SV2C: variants seen among roughly 807,000 people sequenced by gnomAD.
SV2C encodes synaptic vesicle glycoprotein 2C, also known as solute carrier family 22 member B3.
A neutral mutation model predicts 79.7 loss-of-function variants in SV2C; 49 were observed. The observed-to-expected ratio is 0.61, with a 90% CI of 0.49 to 0.78. SV2C has a LOEUF of 0.78. Ranked by LOEUF, SV2C falls within the 30% of genes least tolerant of loss-of-function variation. SV2C has a pLI of 0.00. For synonymous variants in SV2C, 334 were observed against 333.2 expected (o/e 1.00, Z -0.03); for missense variants, 833 against 912.9 (o/e 0.91, Z 1.13).
intron 1 of SV2C, among the ~76,000 whole-genome samples, chr5:76,113,661 C>T (rs188616537): frequency 6.6e-6 from 1 of 152,208 alleles, no homozygotes; most frequent in Non-Finnish European, 1.5e-5. Context: ...ACTTATAAAC[C>T]CAACTACTGA....
At chr5:75,908,009 A>G in the SV2C span, among the ~76,000 whole-genome samples, 2 of 152,200 alleles carry the variant, frequency 1.3e-5, no homozygotes, top group Admixed American at 1.3e-4. Flanking sequence ...TGGCCAGAGA[A>G]TGCCAGTGTT....
chr5:75,937,605 A>G, the SV2C span, among the ~76,000 whole-genome samples: 21 of 152,296 alleles, frequency 1.4e-4, no homozygotes, highest in African/African-American at 5.1e-4. Flanking sequence ...GCTACTCAGA[A>G]GGCAGAAGTG....
chr5:76,308,823 A>G (rs764007945), intron 12 of SV2C, among the ~76,000 whole-genome samples: 3 of 152,324 alleles, frequency 2.0e-5, no homozygotes, highest in Admixed American at 2.0e-4. Context: ...GAAGAATAAG[A>G]AAAGTATATC....
chr5:76,249,035 C>T (rs1047892663), intron 4 of SV2C, among the ~76,000 whole-genome samples: 1 of 152,136 alleles, frequency 6.6e-6, no homozygotes, highest in African/African-American at 2.4e-5. Flanking sequence ...GCAACTGGAC[C>T]ATTCAGAGAA....
rs778023865 is a variant in SV2C at position 76,131,994 on chromosome 5, C to A, written c.244C>A (p.His82Asn). The change falls in exon 2 of 13, where the codon CAT (histidine) becomes AAT (asparagine). Residue 82 changes from histidine (H) to asparagine (N), a missense_variant. Physicochemically the swap from His to Asn is moderately conservative, Grantham distance 68. Coordinates refer to ENST00000502798, the MANE Select transcript of SV2C (RefSeq NM_014979.4). ...DEGSSEATEGHDEDDEIYEGE... is the reference protein window; with the variant it reads ...DEGSSEATEGNDEDDEIYEGE... ...AGGCTCAAGTGAAGCCACTGAGGGG[C>A]ATGATGAAGATGATGAGATCTATGA... is the stretch of plus-strand genomic sequence containing the variant. 5 of 1,613,678 alleles carry A rather than the reference C, an allele frequency of 3.1e-6. No individual in the cohort carries two copies. The highest frequency in any genetic ancestry group is 1.1e-5 in the South Asian group (1 of 91,022).
the SV2C span, among the ~76,000 whole-genome samples, chr5:75,926,582 T>C: frequency 6.6e-6 from 1 of 152,222 alleles, no homozygotes; most frequent in Non-Finnish European, 1.5e-5. Flanking sequence ...GCATATTCTA[T>C]GGATCTAGTG....
the SV2C span, among the ~76,000 whole-genome samples, chr5:75,977,172 C>T: frequency 6.6e-6 from 1 of 152,152 alleles, no homozygotes; most frequent in African/African-American, 2.4e-5. Flanking sequence ...AGCTCCTACC[C>T]TGTGTTCAAC....
intron 1 of SV2C, among the ~76,000 whole-genome samples, chr5:76,084,592 AGC>A (rs1747110994): frequency 7.3e-6 from 1 of 137,156 alleles, no homozygotes; most frequent in Non-Finnish European, 1.6e-5. Flanking sequence ...GGAGGGGCTG[AGC>A]CACGGGGGCT....
downstream of SV2C, among the ~76,000 whole-genome samples, chr5:76,336,709 A>G (rs1488994310): frequency 6.6e-6 from 1 of 152,190 alleles, no homozygotes; most frequent in Non-Finnish European, 1.5e-5. Flanking sequence ...CGGCCAACAC[A>G]GCGAAACCCC....
chr5:75,942,625 T>G, the SV2C span, among the ~76,000 whole-genome samples: 1 of 152,212 alleles, frequency 6.6e-6, no homozygotes, highest in Non-Finnish European at 1.5e-5. Context: ...GACTCGAATC[T>G]GTGTCCTAAA....
the SV2C span, among the ~76,000 whole-genome samples, chr5:76,008,074 C>T: frequency 6.6e-6 from 1 of 152,146 alleles, no homozygotes; most frequent in Non-Finnish European, 1.5e-5. Flanking sequence ...TAAGTTTCAG[C>T]AGAGTCAAAA....
chr5:76,214,180 T>G (rs1341456819), intron 4 of SV2C, among the ~76,000 whole-genome samples: 1 of 152,218 alleles, frequency 6.6e-6, no homozygotes, highest in Non-Finnish European at 1.5e-5. Flanking sequence ...TACATTTAAG[T>G]CTTTAATCCA....
chr5:76,234,729 C>CCCTG (rs1196585245), intron 4 of SV2C, among the ~76,000 whole-genome samples: 2 of 152,258 alleles, frequency 1.3e-5, no homozygotes, highest in Non-Finnish European at 2.9e-5. Context: ...GCTCATTTTC[C>CCCTG]CCTGCCTCCC....
the SV2C span, among the ~76,000 whole-genome samples, chr5:76,004,560 C>A: frequency 1.3e-5 from 2 of 152,146 alleles, no homozygotes; most frequent in African/African-American, 4.8e-5. Flanking sequence ...CATTGAGGCC[C>A]ACAATCTTGG....
intron 2 of SV2C, among the ~76,000 whole-genome samples, chr5:76,187,797 C>G (rs1051634556): frequency 1.2e-4 from 18 of 151,086 alleles, no homozygotes; most frequent in Non-Finnish European, 1.8e-4. Flanking sequence ...ATTACTCTTT[C>G]AGTGCTGTTT....
the SV2C span, among the ~76,000 whole-genome samples, chr5:76,030,762 A>G: frequency 1.3e-5 from 2 of 148,218 alleles, no homozygotes; most frequent in African/African-American, 4.9e-5. Context: ...ACTCTGTCTC[A>G]AAAAAAAAAG....
chr5:75,959,807 C>T, the SV2C span, among the ~76,000 whole-genome samples: 1,340 of 152,064 alleles, frequency 8.8e-3, 12 homozygotes, highest in African/African-American at 0.027. Context: ...AAATGTTTCT[C>T]TTTCCTGTAG....
chr5:76,103,400 A>G (rs1747804202), intron 1 of SV2C, among the ~76,000 whole-genome samples: 1 of 152,226 alleles, frequency 6.6e-6, no homozygotes, highest in Non-Finnish European at 1.5e-5. Flanking sequence ...TAATACTGAA[A>G]TTATCTTAAA....
At chr5:76,000,784 C>G in the SV2C span, among the ~76,000 whole-genome samples, 1 of 152,170 alleles carries the variant, frequency 6.6e-6, no homozygotes. Context: ...AGTTCGGCTT[C>G]TGGCACAGAG....
Sources: allele counts gnomAD v4.1 joint callset (sites outside exome capture counted in the v4.1 genomes callset), GRCh38; gene constraint gnomAD v4.1.1; transcripts MANE v1.5; gene names NCBI Gene and HGNC (gene_info 2026-07-23, HGNC 2026-07-21).